Variants in SV2C observed in about 807,000 individuals in gnomAD.
SV2C encodes the protein synaptic vesicle glycoprotein 2C.
A neutral mutation model predicts 79.7 loss-of-function variants in SV2C; 49 were observed. That is an observed-to-expected ratio of 0.61 (90% CI 0.49 to 0.78). The LOEUF (loss-of-function observed/expected upper bound fraction) is 0.78, where lower values mean the gene tolerates loss of function less well. SV2C is among the 30% of genes least tolerant of loss of function. SV2C has a pLI of 0.00. For missense variants in SV2C, 833 were observed against 912.9 expected (o/e 0.91, Z 1.13); for synonymous variants, 334 against 333.2 (o/e 1.00, Z -0.03).
the SV2C span, among the ~76,000 whole-genome samples, chr5:76,073,503 GTATATATATATATATATA>G: frequency 1.1e-3 from 73 of 67,452 alleles, 1 homozygote; most frequent in Non-Finnish European, 1.4e-3. Context: ...GTATGTGTGT[GTATATATATATATATATA>G]TATATATATA....
At chr5:76,164,601 A>C (rs1405146021) in intron 2 of SV2C, among the ~76,000 whole-genome samples, 3 of 152,196 alleles carry the variant, frequency 2.0e-5, no homozygotes, top group African/African-American at 7.2e-5. Flanking sequence ...CTTAATACCA[A>C]GGCTTTTTCA....
chr5:76,081,234 C>T (rs1328892212), upstream of SV2C, among the ~76,000 whole-genome samples: 1 of 152,148 alleles, frequency 6.6e-6, no homozygotes, highest in African/African-American at 2.4e-5. Context: ...ACGTTGATCA[C>T]GTTTAAAGTT....
At chr5:76,053,292 T>C in the SV2C span, among the ~76,000 whole-genome samples, 1 of 152,152 alleles carries the variant, frequency 6.6e-6, no homozygotes, top group Admixed American at 6.6e-5. Context: ...AAACTCCCAA[T>C]TGACACAAGT....
chr5:76,258,281 A>G (rs1393540384), intron 4 of SV2C, among the ~76,000 whole-genome samples: 3 of 152,070 alleles, frequency 2.0e-5, no homozygotes, highest in African/African-American at 4.8e-5. Flanking sequence ...ATCCACCCAG[A>G]TGGTCTACTA....
chr5:76,117,427 G>A (rs1449586894), intron 1 of SV2C, among the ~76,000 whole-genome samples: 4 of 152,028 alleles, frequency 2.6e-5, no homozygotes, highest in Non-Finnish European at 5.9e-5. Context: ...TATAAACTTA[G>A]CAAAATCCTA....
At chr5:76,345,317 T>C (rs755503554) in intron 12 of SV2C, among the ~76,000 whole-genome samples, 1 of 152,204 alleles carries the variant, frequency 6.6e-6, no homozygotes, top group Non-Finnish European at 1.5e-5. Flanking sequence ...ATAATATTAT[T>C]GATCAGTCGC....
At chr5:75,982,237 A>AG in the SV2C span, among the ~76,000 whole-genome samples, 2 of 140,916 alleles carry the variant, frequency 1.4e-5, no homozygotes, top group African/African-American at 6.1e-5. Flanking sequence ...AAAAATAAAA[A>AG]GAAAAAAAAA....
intron 3 of SV2C, among the ~76,000 whole-genome samples, chr5:76,196,468 C>T (rs1002741774): frequency 1.6e-4 from 24 of 152,162 alleles, no homozygotes; most frequent in Non-Finnish European, 2.5e-4. Context: ...TGGCTACATA[C>T]GCTGCTGACT....
the SV2C span, among the ~76,000 whole-genome samples, chr5:75,954,671 A>C: frequency 6.6e-6 from 1 of 150,380 alleles, no homozygotes; most frequent in African/African-American, 2.5e-5. Flanking sequence ...AAATCTCCTT[A>C]AGCTGATAAG....
At chr5:76,261,643 T>G (rs935384682) in intron 4 of SV2C, among the ~76,000 whole-genome samples, 1 of 152,222 alleles carries the variant, frequency 6.6e-6, no homozygotes, top group Admixed American at 6.5e-5. Context: ...TTGAGAGTTT[T>G]TAGCATGAAG....
At chr5:76,034,464 G>A in the SV2C span, among the ~76,000 whole-genome samples, 1 of 152,214 alleles carries the variant, frequency 6.6e-6, no homozygotes, top group Non-Finnish European at 1.5e-5. Flanking sequence ...ATGAAGGGTT[G>A]TTGAATTTTG....
chr5:76,248,570 T>C (rs757291282), intron 4 of SV2C, among the ~76,000 whole-genome samples: 5 of 151,896 alleles, frequency 3.3e-5, no homozygotes, highest in Admixed American at 6.6e-5. Flanking sequence ...GTTCAGCCCA[T>C]AACAGCAGCC....
chr5:76,073,503 G>GTGTATATATA, the SV2C span, among the ~76,000 whole-genome samples: 61 of 67,422 alleles, frequency 9.0e-4, no homozygotes, highest in African/African-American at 2.0e-3. Flanking sequence ...GTATGTGTGT[G>GTGTATATATA]TATATATATA....
At chr5:76,338,042 G>A (rs11954110), downstream of SV2C, among the ~76,000 whole-genome samples, 12,669 of 152,244 alleles carry the variant, frequency 0.083, 1,013 homozygotes, top group African/African-American at 0.2. Context: ...GCCACCTACT[G>A]CTACTGCAAT....
chr5:75,870,332 A>C, the SV2C span, among the ~76,000 whole-genome samples: 1 of 152,016 alleles, frequency 6.6e-6, no homozygotes, highest in Non-Finnish European at 1.5e-5. Flanking sequence ...AAAAAGAATC[A>C]AGCAGAAATC....
intron 4 of SV2C, among the ~76,000 whole-genome samples, chr5:76,281,539 C>T (rs1022738864): frequency 6.6e-6 from 1 of 152,156 alleles, no homozygotes; most frequent in East Asian, 1.9e-4. Context: ...TGTAACAAAT[C>T]GCTATAAGCA....
At chr5:76,351,234 T>A in intron 12 of SV2C, among the ~76,000 whole-genome samples, 1 of 152,038 alleles carries the variant, frequency 6.6e-6, no homozygotes, top group East Asian at 1.9e-4. Context: ...TCACTTGAGC[T>A]TAGGGGTTTG....
the SV2C span, among the ~76,000 whole-genome samples, chr5:76,009,997 T>TG: frequency 2.3e-3 from 120 of 51,346 alleles, no homozygotes; most frequent in African/African-American, 4.7e-3. Context: ...TTTTGTTTTT[T>TG]TTTTTTTTTT....
chr5:76,116,324 T>C (rs781092041), intron 1 of SV2C, among the ~76,000 whole-genome samples: 2 of 152,186 alleles, frequency 1.3e-5, no homozygotes, highest in African/African-American at 4.8e-5. Context: ...ATCAGGGACT[T>C]TGTGTGTTTT....
Sources: allele counts gnomAD v4.1 joint callset (sites outside exome capture counted in the v4.1 genomes callset), GRCh38; gene constraint gnomAD v4.1.1; transcripts MANE v1.5; gene names NCBI Gene and HGNC (gene_info 2026-07-23, HGNC 2026-07-21).